Variants in CCSER1 observed in about 807,000 individuals in gnomAD.
CCSER1 encodes the protein coiled-coil serine rich protein 1.
A neutral mutation model predicts 82.0 loss-of-function variants in CCSER1; 41 were observed. That is an observed-to-expected ratio of 0.50 (90% confidence interval 0.39 to 0.65). The LOEUF is 0.65. CCSER1 is among the 30% of genes least tolerant of loss of function. The pLI is 0.00. For synonymous variants in CCSER1, 414 were observed against 383.9 expected (o/e 1.08, Z -0.92); for missense variants, 1,119 against 1,064.2 (o/e 1.05, Z -0.72).
intron 10 of CCSER1, among the ~76,000 whole-genome samples, chr4:91,523,145 CG>C (rs1209572476): frequency 6.6e-6 from 1 of 151,366 alleles, no homozygotes; most frequent in Non-Finnish European, 1.5e-5. Context: ...GTGGTTTTGT[CG>C]TTTAGTTCTG....
intron 1 of CCSER1, among the ~76,000 whole-genome samples, chr4:90,217,204 T>C (rs896858075): frequency 9.9e-5 from 15 of 152,246 alleles, no homozygotes; most frequent in Middle Eastern, 3.4e-3. Context: ...GTTTTTTTGT[T>C]TTTTATTTTT....
intron 9 of CCSER1, among the ~76,000 whole-genome samples, chr4:91,000,230 G>C (rs1490831186): frequency 3.1e-4 from 3 of 9,658 alleles, no homozygotes; most frequent in Non-Finnish European, 7.3e-4. Flanking sequence ...GTATAGTATA[G>C]TATAGTATAG....
intron 10 of CCSER1, among the ~76,000 whole-genome samples, chr4:91,320,534 A>T (rs1366782200): frequency 6.6e-6 from 1 of 152,176 alleles, no homozygotes; most frequent in African/African-American, 2.4e-5. Flanking sequence ...TTCATTATTC[A>T]TGATAACATG....
At chr4:91,479,662 A>G (rs560328593) in intron 10 of CCSER1, among the ~76,000 whole-genome samples, 81 of 151,154 alleles carry the variant, frequency 5.4e-4, no homozygotes, top group Non-Finnish European at 1.1e-3. Flanking sequence ...AATTGGTACA[A>G]CATTTATGGA....
intron 4 of CCSER1, 105 bp from the exon 5 acceptor site, chr4:90,468,129 G>A: frequency 1.0e-6 from 1 of 958,418 alleles, no homozygotes; most frequent in Non-Finnish European, 1.5e-6. Flanking sequence ...TGTTTTATTA[G>A]AATTAGATCT....
chr4:90,499,424 T>G (rs556585931), intron 5 of CCSER1, among the ~76,000 whole-genome samples: 16 of 152,306 alleles, frequency 1.1e-4, no homozygotes, highest in Non-Finnish European at 1.8e-4. Context: ...CTTTGATTTC[T>G]TAGCAAAAAC....
At chr4:91,536,122 G>T (rs1209159803) in intron 10 of CCSER1, among the ~76,000 whole-genome samples, 1 of 152,096 alleles carries the variant, frequency 6.6e-6, no homozygotes, top group African/African-American at 2.4e-5. Flanking sequence ...TTATCAACTA[G>T]CAGAGGATGT....
chr4:90,200,449 A>C (rs1737471517), intron 1 of CCSER1, among the ~76,000 whole-genome samples: 1 of 152,026 alleles, frequency 6.6e-6, no homozygotes. Context: ...GGATTTTTTC[A>C]GCTAAAAAAA....
At chr4:91,154,536 C>A (rs1730605312) in intron 10 of CCSER1, among the ~76,000 whole-genome samples, 1 of 151,986 alleles carries the variant, frequency 6.6e-6, no homozygotes, top group African/African-American at 2.4e-5. Context: ...TGTCCTGCAC[C>A]CACTGTCCAA....
chr4:91,145,515 G>A (rs1017453971), intron 10 of CCSER1, among the ~76,000 whole-genome samples: 4 of 152,106 alleles, frequency 2.6e-5, no homozygotes, highest in Non-Finnish European at 5.9e-5. Context: ...TGGTTGCTTT[G>A]AAGTCTTGAT....
chr4:90,617,178 G>C (rs549497131), intron 5 of CCSER1, among the ~76,000 whole-genome samples: 1 of 152,054 alleles, frequency 6.6e-6, no homozygotes, highest in East Asian at 1.9e-4. Flanking sequence ...AACGTAGTAC[G>C]ATTATTTGGT....
intron 10 of CCSER1, among the ~76,000 whole-genome samples, chr4:91,088,096 T>A (rs1341946095): frequency 6.6e-6 from 1 of 152,160 alleles, no homozygotes; most frequent in Non-Finnish European, 1.5e-5. Flanking sequence ...CATAACAAGA[T>A]GTACAATGTA....
intron 5 of CCSER1, among the ~76,000 whole-genome samples, chr4:90,620,650 A>T (rs1722141288): frequency 6.6e-6 from 1 of 152,192 alleles, no homozygotes; most frequent in Non-Finnish European, 1.5e-5. Flanking sequence ...CCATTATCCC[A>T]GTTAGAATGC....
At chr4:90,415,938 G>C (rs377657687) in intron 4 of CCSER1, among the ~76,000 whole-genome samples, 1 of 152,246 alleles carries the variant, frequency 6.6e-6, no homozygotes, top group African/African-American at 2.4e-5. Context: ...TGTTAGTACT[G>C]GGGTAGGTTG....
intron 10 of CCSER1, among the ~76,000 whole-genome samples, chr4:91,157,614 A>T (rs888240063): frequency 6.6e-6 from 1 of 152,036 alleles, no homozygotes; most frequent in African/African-American, 2.4e-5. Context: ...ATGTATATTT[A>T]TATCTCCATC....
At chr4:91,175,614 A>C (rs1733251835) in intron 10 of CCSER1, among the ~76,000 whole-genome samples, 1 of 152,152 alleles carries the variant, frequency 6.6e-6, no homozygotes, top group Non-Finnish European at 1.5e-5. Context: ...GGCTGCATAA[A>C]TGTCTTCTTT....
At chr4:90,194,356 C>A (rs1359378459) in intron 1 of CCSER1, among the ~76,000 whole-genome samples, 1 of 151,978 alleles carries the variant, frequency 6.6e-6, no homozygotes, top group Non-Finnish European at 1.5e-5. Context: ...ACAAAGCATG[C>A]TCAGTAACTG....
chr4:91,473,267 G>A (rs993644791), intron 10 of CCSER1, among the ~76,000 whole-genome samples: 2 of 152,178 alleles, frequency 1.3e-5, no homozygotes, highest in African/African-American at 4.8e-5. Flanking sequence ...AATTTTCATT[G>A]TGGAAGCTTC....
chr4:90,583,424 C>T (rs1276049566), intron 5 of CCSER1, among the ~76,000 whole-genome samples: 1 of 152,044 alleles, frequency 6.6e-6, no homozygotes, highest in African/African-American at 2.4e-5. Context: ...CTTCAGCCTC[C>T]CAAAGTGCTG....
Sources: allele counts gnomAD v4.1 joint callset (sites outside exome capture counted in the v4.1 genomes callset), GRCh38; gene constraint gnomAD v4.1.1; transcripts MANE v1.5; gene names NCBI Gene and HGNC (gene_info 2026-07-23, HGNC 2026-07-21).